RSBN1L: variants seen among roughly 807,000 people sequenced by gnomAD.
RSBN1L encodes the protein lysine-specific demethylase RSBN1L.
In RSBN1L, 30 loss-of-function variants were observed where a neutral mutation model predicts 67.7. The observed-to-expected ratio is 0.44, with a 90% CI of 0.33 to 0.60. The LOEUF is 0.60. Among genes scored for constraint, RSBN1L ranks in the 20% least tolerant of loss-of-function variants. The pLI is 0.02. For synonymous variants in RSBN1L, 433 were observed against 387.0 expected (o/e 1.12, Z -1.39); for missense variants, 992 against 1,031.7 (o/e 0.96, Z 0.53).
intron 1 of RSBN1L, among the ~76,000 whole-genome samples, chr7:77,701,681 T>A (rs1168190030): frequency 6.6e-6 from 1 of 151,656 alleles, no homozygotes; most frequent in Non-Finnish European, 1.5e-5. Context: ...AGATGGAGTC[T>A]TGCTCTGTTG....
chr7:77,728,476 TAA>T (rs1791234555), intron 1 of RSBN1L, among the ~76,000 whole-genome samples: 1 of 152,218 alleles, frequency 6.6e-6, no homozygotes, highest in East Asian at 1.9e-4. Context: ...TAGTACATTT[TAA>T]AAAGTCACGA....
At chr7:77,758,114 GTATA>G (rs1284761676) in intron 3 of RSBN1L, among the ~76,000 whole-genome samples, 1 of 152,126 alleles carries the variant, frequency 6.6e-6, no homozygotes, top group Non-Finnish European at 1.5e-5. Flanking sequence ...CGATAAAAGA[GTATA>G]TATAGTAATG....
intron 1 of RSBN1L, among the ~76,000 whole-genome samples, chr7:77,730,086 T>A (rs185145179): frequency 1.3e-5 from 2 of 152,350 alleles, no homozygotes; most frequent in Non-Finnish European, 2.9e-5. Flanking sequence ...TGATTTCTTT[T>A]TTGTTCTGGG....
Position 77,696,476 on chromosome 7 carries a change from G to C in RSBN1L, c.7G>C (p.Glu3Gln). The change falls in exon 1 of 8, where the codon GAA (glutamate) becomes CAA (glutamine). Residue 3 changes from glutamate (E) to glutamine (Q), a missense_variant. Coordinates refer to ENST00000334955, the MANE Select transcript of RSBN1L (RefSeq NM_198467.3). Reference protein sequence around the residue: MAEPPSPVHCVAA... With the variant: MAQPPSPVHCVAA... ...AATACAACAGGAGCGCAAAATGGCG[G>C]AACCGCCGAGCCCCGTGCACTGTGT... is the stretch of plus-strand genomic sequence containing the variant. The C allele has an allele frequency of 6.2e-7, 1 of 1,605,990 alleles. No homozygotes were observed. The highest frequency in any genetic ancestry group is 8.5e-7 in the Non-Finnish European group (1 of 1,175,570).
intron 2 of RSBN1L, among the ~76,000 whole-genome samples, chr7:77,738,954 A>G (rs1252066639): frequency 1.3e-5 from 2 of 152,184 alleles, no homozygotes; most frequent in Admixed American, 6.5e-5. Flanking sequence ...AACAAAAAAC[A>G]AAAAACACCA....
At chr7:77,768,635 C>T (rs1584303647) in intron 4 of RSBN1L, 26 bp from the exon 5 acceptor site, 3 of 1,592,684 alleles carry the variant, frequency 1.9e-6, no homozygotes, top group Non-Finnish European at 2.6e-6. Flanking sequence ...AAAATAATTG[C>T]AATCTGCATA....
chr7:77,709,699 T>C (rs1202273100), intron 1 of RSBN1L, among the ~76,000 whole-genome samples: 1 of 152,160 alleles, frequency 6.6e-6, no homozygotes, highest in Non-Finnish European at 1.5e-5. Context: ...TTTTCCTTAT[T>C]TGTCTTCTGC....
At chr7:77,776,629 AT>A (rs1791918104) in intron 6 of RSBN1L, among the ~76,000 whole-genome samples, 1 of 152,184 alleles carries the variant, frequency 6.6e-6, no homozygotes, top group African/African-American at 2.4e-5. Context: ...TAGAATTGTT[AT>A]TCTTGATGAA....
chr7:77,736,860 A>G (rs10258826), intron 2 of RSBN1L, among the ~76,000 whole-genome samples: 87,376 of 152,048 alleles, frequency 0.57, 26,985 homozygotes, highest in African/African-American at 0.81. Flanking sequence ...AAAAATTGCC[A>G]AAGCAAGTTT....
At chr7:77,740,885 A>C (rs1791399595) in intron 2 of RSBN1L, among the ~76,000 whole-genome samples, 1 of 150,700 alleles carries the variant, frequency 6.6e-6, no homozygotes, top group Non-Finnish European at 1.5e-5. Context: ...CTCTGACTCT[A>C]TACACGTGTG....
intron 1 of RSBN1L, among the ~76,000 whole-genome samples, chr7:77,697,596 G>A (rs1255952152): frequency 6.6e-6 from 1 of 152,084 alleles, no homozygotes; most frequent in Non-Finnish European, 1.5e-5. Context: ...TGCAGGGCCC[G>A]AAGTGCGCTG....
chr7:77,717,659 G>GTTAA (rs1340556327), intron 1 of RSBN1L, among the ~76,000 whole-genome samples: 1 of 152,168 alleles, frequency 6.6e-6, no homozygotes, highest in Non-Finnish European at 1.5e-5. Flanking sequence ...ACTGCAGTAA[G>GTTAA]TTAAATACCA....
At position 77,779,242 on chromosome 7, in the gene RSBN1L, G is replaced by GT; in HGVS notation, c.*74_*75insT. 1.6e-5 allele frequency: 17 copies of GT among 1,057,004 alleles called. No individual in the cohort carries two copies. The highest frequency in any genetic ancestry group is 2.3e-5 in the Non-Finnish European group (17 of 736,190). 65.5% of individuals were successfully genotyped at this position (1,057,004 alleles called of 1,614,324 possible). A position where few individuals can be genotyped will look rare whatever the true frequency, so the allele number is the denominator to read the frequency against. On this transcript the variant is annotated 3_prime_UTR_variant, in exon 8 of 8. Coordinates refer to ENST00000334955, the MANE Select transcript of RSBN1L (RefSeq NM_198467.3). ...AAAGATTCATGAATTCTGAAAGCAA[G>GT]CCAAGGACTTGCTCCTATGTCTGTT... is the stretch of plus-strand genomic sequence containing the variant.
chr7:77,742,422 A>G (rs1453017900), intron 2 of RSBN1L, among the ~76,000 whole-genome samples: 2 of 152,180 alleles, frequency 1.3e-5, no homozygotes, highest in East Asian at 3.8e-4. Context: ...CTTGTCTGCC[A>G]GAGAAGCTCA....
intron 2 of RSBN1L, among the ~76,000 whole-genome samples, chr7:77,746,839 G>A (rs1163032865): frequency 2.0e-5 from 3 of 152,204 alleles, no homozygotes; most frequent in Non-Finnish European, 2.9e-5. Flanking sequence ...AAACCCAGCA[G>A]GGCAGTCATT....
chr7:77,709,778 C>T (rs944012267), intron 1 of RSBN1L, among the ~76,000 whole-genome samples: 1 of 152,040 alleles, frequency 6.6e-6, no homozygotes, highest in Non-Finnish European at 1.5e-5. Flanking sequence ...TGCTAATTGC[C>T]CTGGTATTTT....
chr7:77,728,084 C>T (rs1584284906), intron 1 of RSBN1L, among the ~76,000 whole-genome samples: 2 of 152,106 alleles, frequency 1.3e-5, no homozygotes, highest in South Asian at 2.1e-4. Context: ...ACTAGTTATC[C>T]GCTGAGCCAT....
At chr7:77,734,307 C>T (rs1791305006) in intron 1 of RSBN1L, among the ~76,000 whole-genome samples, 1 of 151,656 alleles carries the variant, frequency 6.6e-6, no homozygotes, top group African/African-American at 2.4e-5. Flanking sequence ...TTAATAGTTA[C>T]TAAAATAATA....
intron 2 of RSBN1L, 71 bp from the exon 3 acceptor site, chr7:77,749,353 A>C: frequency 8.3e-7 from 1 of 1,198,532 alleles, no homozygotes; most frequent in South Asian, 1.7e-5. Context: ...TTACTTAGAC[A>C]AAACTGTTCC....
Sources: gnomAD v4.1 joint callset for allele counts (sites outside exome capture counted in the v4.1 genomes callset) on GRCh38, gnomAD v4.1.1 for gene constraint, MANE v1.5 for transcripts, NCBI Gene and HGNC (gene_info 2026-07-23, HGNC 2026-07-21) for gene names.